The following TULP1 variants were observed in gnomAD, a reference collection of about 807,000 sequenced individuals.
TULP1 encodes the protein TUB like protein 1.
In TULP1, 50 loss-of-function variants were observed where a neutral mutation model predicts 67.1. The ratio of observed to expected loss-of-function variants is 0.75; its 90% CI spans 0.59 to 0.94. The LOEUF (loss-of-function observed/expected upper bound fraction) is 0.94, where lower values mean the gene tolerates loss of function less well. TULP1 is among the 40% of genes least tolerant of loss of function. TULP1 has a pLI of 0.00. For synonymous variants in TULP1, 297 were observed against 294.0 expected (o/e 1.01, Z -0.11); for missense variants, 746 against 734.1 (o/e 1.02, Z -0.19).
At chr6:35,501,102 C>T (rs556138721) in intron 13 of TULP1, among the ~76,000 whole-genome samples, 2 of 152,298 alleles carry the variant, frequency 1.3e-5, no homozygotes, top group Non-Finnish European at 2.9e-5. Flanking sequence ...ATCCTGGACT[C>T]ACTGGACCTG....
rs1244465201 is a variant in TULP1 at position 35,498,625 on chromosome 6, A to G, written c.1496-165T>C. ...CCCATCCCTTCTTCTATCTCACTCCACACCAGCACCACGTGGCTTTGCAGT... is the reference window on the plus strand; with the variant it reads ...CCCATCCCTTCTTCTATCTCACTCCGCACCAGCACCACGTGGCTTTGCAGT... On this transcript the variant is annotated intron_variant, in intron 14 of 14. Coordinates refer to ENST00000229771, the MANE Select transcript of TULP1 (RefSeq NM_003322.6). The surrounding 1 kb of genome is among the most constrained non-coding windows in gnomAD (Gnocchi z 6.7). Among the ~76,000 whole-genome samples the G allele has an allele frequency of 6.6e-6, 1 of 152,064 alleles. No individual in the cohort carries two copies. The highest frequency in any genetic ancestry group is 1.5e-5 in the Non-Finnish European group (1 of 68,008).
chr6:35,506,346 C>G (rs1761088404), intron 8 of TULP1, 67 bp from the exon 9 acceptor site: 1 of 1,546,470 alleles, frequency 6.5e-7, no homozygotes, highest in Non-Finnish European at 8.7e-7. Context: ...GGGGAAGCCA[C>G]TGCCCCTCAT....
rs1039652182 is a variant in TULP1, at chr6:35,510,991, CT to C, written c.368del (p.Glu123GlyfsTer25). ...CCTCCTCTTCCTCGTCCTCCTCGTC[CT>C]CCTCTTCCTCCTCCTCCTCTGCAGG... ...DAEDEEEEEE[E>X]DEEDEEEEAE... On this transcript the variant is annotated frameshift_variant, in exon 5 of 15. Coordinates refer to ENST00000229771, the MANE Select transcript of TULP1 (RefSeq NM_003322.6). LOFTEE classifies it high-confidence loss of function. 1 of 1,602,244 alleles carries C rather than the reference CT, an allele frequency of 6.2e-7. No homozygotes were observed. Among genetic ancestry groups the C allele is most frequent in the African/African-American group, 1.3e-5 (1 of 74,840 alleles).
intron 11 of TULP1, chr6:35,505,454 C>T (rs934491048): frequency 3.4e-5 from 23 of 671,028 alleles, no homozygotes; most frequent in African/African-American, 2.2e-4. Context: ...TGCCTGCCCT[C>T]GTGGAACTTA....
In TULP1 at chr6:35,503,567, G is replaced by A. The variant is rs1305801234; in HGVS notation, c.1315C>T (p.Pro439Ser). 2 of 1,571,998 alleles carry A rather than the reference G, an allele frequency of 1.3e-6. No homozygotes were observed. The highest frequency in any genetic ancestry group is 2.7e-5 in the African/African-American group (2 of 74,010). Residue 439 changes from proline to serine, a missense_variant, in exon 13 of 15, where the codon CCC becomes TCC. Around this residue, in one of 3 missense-constraint regions of TULP1, gnomAD observed 383 missense variants for 374.1 expected, o/e 1.02. Coordinates refer to ENST00000229771, the MANE Select transcript of TULP1 (RefSeq NM_003322.6). The surrounding 1 kb of genome is among the most constrained non-coding windows in gnomAD (Gnocchi z 4.0). ...SAENERVPIR[P>S]RNASDGLLVR... ...GGAGGTGCGGGGCTCACATTTCGGGGCCGGATGGGGACCCTCTCGTTCTCC... is the reference window on the plus strand; with the variant it reads ...GGAGGTGCGGGGCTCACATTTCGGGACCGGATGGGGACCCTCTCGTTCTCC...
At chr6:35,499,834 T>G in intron 14 of TULP1, 147 bp downstream of exon 14, 2 of 990,282 alleles carry the variant, frequency 2.0e-6, no homozygotes, top group Non-Finnish European at 3.2e-6. Context: ...TCAGTGCCTA[T>G]GGAGGAGAGA....
chr6:35,512,119 A>C, intron 3 of TULP1, 61 bp downstream of exon 3: 2 of 1,085,560 alleles, frequency 1.8e-6, no homozygotes, highest in South Asian at 3.0e-5. Context: ...GCCGGCCCTC[A>C]AGCCCCTCCC....
intron 7 of TULP1, 83 bp from the exon 8 acceptor site, chr6:35,509,395 G>A: frequency 7.5e-7 from 1 of 1,341,326 alleles, no homozygotes. Context: ...TCACTTGGAT[G>A]CTCCCCACAA....
chr6:35,505,937 G>A (rs540373629), intron 10 of TULP1, 66 bp downstream of exon 10: 25 of 1,614,096 alleles, frequency 1.5e-5, no homozygotes, highest in South Asian at 1.2e-4. Flanking sequence ...AATCAGGCCC[G>A]TTTGTCCCGT....
intron 7 of TULP1, 100 bp downstream of exon 7, chr6:35,509,534 T>A: frequency 7.7e-7 from 1 of 1,303,428 alleles, no homozygotes; most frequent in Non-Finnish European, 1.1e-6. Context: ...CCTGGCAAAC[T>A]CCTTACCTAG....
intron 14 of TULP1, among the ~76,000 whole-genome samples, chr6:35,499,123 G>C (rs3798344): frequency 0.15 from 22,879 of 152,198 alleles, 1,892 homozygotes; most frequent in African/African-American, 0.21. Flanking sequence ...TGTGAACCCA[G>C]AGACTTATGG....
intron 3 of TULP1, 27 bp downstream of exon 3, chr6:35,512,153 T>C: frequency 7.7e-7 from 1 of 1,298,514 alleles, no homozygotes. Context: ...ACCCTGGGGG[T>C]CCACCCGGGC....
chr6:35,501,540 AGTGGCTCAGGCCTGT>A (rs1760960783), intron 13 of TULP1, among the ~76,000 whole-genome samples: 1 of 147,800 alleles, frequency 6.8e-6, no homozygotes. Flanking sequence ...GGCTGGGCAC[AGTGGCTCAGGCCTGT>A]AATCCTAGCA....
chr6:35,502,125 C>T (rs561184639), intron 13 of TULP1, among the ~76,000 whole-genome samples: 2 of 152,252 alleles, frequency 1.3e-5, no homozygotes, highest in African/African-American at 4.8e-5. Context: ...GAGACTTACA[C>T]ACTTATTATC....
chr6:35,501,346 T>C (rs1760955632), intron 13 of TULP1, among the ~76,000 whole-genome samples: 1 of 151,808 alleles, frequency 6.6e-6, no homozygotes, highest in Non-Finnish European at 1.5e-5. Context: ...TACAAAAAAC[T>C]AGCCAGGTAT....
chr6:35,498,162 G>T lies in TULP1; in HGVS notation c.*165C>A. The T allele has an allele frequency of 1.7e-6, 2 of 1,197,136 alleles. No homozygotes were observed. Among genetic ancestry groups the T allele is most frequent in the Non-Finnish European group, 2.3e-6 (2 of 867,432 alleles). 74.2% of individuals were successfully genotyped at this position (1,197,136 alleles called of 1,614,324 possible). On this transcript the variant is annotated 3_prime_UTR_variant, in exon 15 of 15. Transcript: ENST00000229771. The surrounding 1 kb of genome is among the most constrained non-coding windows in gnomAD (Gnocchi z 6.7). Reference sequence around the variant, plus strand: ...GTCCGGGCTCCTCCTGCCTCGGCCTGTGCCAGGCTGGGGAGAGGACGGAGG... The same window carrying T: ...GTCCGGGCTCCTCCTGCCTCGGCCTTTGCCAGGCTGGGGAGAGGACGGAGG...
chr6:35,506,025 A>C lies in TULP1; in HGVS notation c.977T>G (p.Leu326Arg), dbSNP rs770319381. The change falls in exon 10 of 15, where the codon CTG (leucine) becomes CGG (arginine). Residue 326 changes from leucine to arginine, a missense_variant. Leu to Arg is a moderately radical substitution (Grantham distance 102). Around this residue, in one of 3 missense-constraint regions of TULP1, gnomAD observed 383 missense variants for 374.1 expected, o/e 1.02. Coordinates refer to ENST00000229771, the MANE Select transcript of TULP1 (RefSeq NM_003322.6). Reference sequence around the variant, plus strand: ...CACCTTCTTCTCCGTGTCCAGGTGCAGGAAGTAGGAGGGATACATGCCTCG... The same window carrying C: ...CACCTTCTTCTCCGTGTCCAGGTGCCGGAAGTAGGAGGGATACATGCCTCG... Reference protein sequence around the residue: ...MDRGMYPSYFLHLDTEKKVFL... With the variant: ...MDRGMYPSYFRHLDTEKKVFL... 6.2e-7 allele frequency: 1 copy of C among 1,613,936 alleles called. No homozygotes were observed. Among genetic ancestry groups the C allele is most frequent in the African/African-American group, 1.3e-5 (1 of 75,036 alleles).
intron 5 of TULP1, among the ~76,000 whole-genome samples, chr6:35,510,141 C>T (rs1761167345): frequency 6.6e-6 from 1 of 151,990 alleles, no homozygotes; most frequent in Admixed American, 6.6e-5. Flanking sequence ...GCAACCTCCA[C>T]CTCCAGGGTT....
Position 35,510,929 on chromosome 6 carries a change from T to TCTCTC in TULP1, c.430_431insGAGAG (p.Lys144ArgfsTer6). The TCTCTC allele has an allele frequency of 6.2e-7, 1 of 1,613,772 alleles. No individual in the cohort carries two copies. Among genetic ancestry groups the TCTCTC allele is most frequent in the East Asian group, 2.2e-5 (1 of 44,858 alleles). On this transcript the variant is annotated frameshift_variant, in exon 5 of 15. Coordinates refer to ENST00000229771, the MANE Select transcript of TULP1 (RefSeq NM_003322.6). LOFTEE classifies it high-confidence loss of function. ...GGAGCTCTTCTCTCTCAGGGGCTTC[T>TCTCTC]TGGGAGGCAGAAGGATTTTCTCTTT...
Sources: allele counts gnomAD v4.1 joint callset (sites outside exome capture counted in the v4.1 genomes callset), GRCh38; gene constraint gnomAD v4.1.1; regional missense constraint gnomAD v4.1.1; non-coding constraint Gnocchi (gnomAD v3.1); transcripts MANE v1.5; gene names NCBI Gene and HGNC (gene_info 2026-07-23, HGNC 2026-07-21).